The following GRAMD1B variants were observed in gnomAD, a reference collection of about 807,000 sequenced individuals.
The protein encoded by GRAMD1B is GRAM domain containing 1B, also known as protein Aster-B.
GRAMD1B carries 37 observed loss-of-function variants against 99.7 expected under a neutral mutation model. That is an observed-to-expected ratio of 0.37 (90% CI 0.29 to 0.49). The LOEUF (loss-of-function observed/expected upper bound fraction) is 0.49, where lower values mean the gene tolerates loss of function less well. Ranked by LOEUF, GRAMD1B falls within the 20% of genes least tolerant of loss-of-function variation. The pLI is 0.98. For missense variants in GRAMD1B, 888 were observed against 1,009.2 expected, an observed-to-expected ratio of 0.88 and a Z score of 1.63; for synonymous variants, 427 against 387.6, an observed-to-expected ratio of 1.10 and a Z score of -1.19.
rs1313016902 is a variant in GRAMD1B, at chr11:123,387,818, G to A, written c.-176+29019G>A. ...AGGCCCACAAATACAGATTATATGT[G>A]ATTATTTAAAAATAGCTATGGTTGG... On this transcript the variant is annotated intron_variant, in intron 1 of 20. Coordinates refer to the GRAMD1B transcript ENST00000638157. 3.4e-5 allele frequency among the ~76,000 whole-genome samples: 5 copies of A among 149,140 alleles called. No individual in the cohort carries two copies. In the Admixed American group the frequency reaches 3.4e-4, roughly 10 times the overall value.
chr11:123,584,863 C>T (rs368962506), intron 4 of GRAMD1B, among the ~76,000 whole-genome samples: 23 of 152,126 alleles, frequency 1.5e-4, no homozygotes, highest in East Asian at 3.9e-4. Flanking sequence ...GAAGGTGTGG[C>T]GTGGGGCCAC....
intron 1 of GRAMD1B, among the ~76,000 whole-genome samples, chr11:123,380,240 C>G (rs760745205): frequency 6.6e-6 from 1 of 152,178 alleles, no homozygotes; most frequent in Non-Finnish European, 1.5e-5. Flanking sequence ...GCTAAGAAAC[C>G]ACTGCCTAAT....
intron 2 of GRAMD1B, among the ~76,000 whole-genome samples, chr11:123,553,557 C>T (rs1256092486): frequency 6.6e-6 from 1 of 152,202 alleles, no homozygotes. Flanking sequence ...CTTCAATCTC[C>T]TGGCCATTTC....
chr11:123,369,564 A>G (rs1457628399), intron 1 of GRAMD1B, among the ~76,000 whole-genome samples: 3 of 152,050 alleles, frequency 2.0e-5, no homozygotes, highest in African/African-American at 7.2e-5. Flanking sequence ...AATTTATTTA[A>G]TTTTTGTTAA....
intron 2 of GRAMD1B, among the ~76,000 whole-genome samples, chr11:123,543,199 C>T (rs1267790504): frequency 2.6e-5 from 4 of 152,182 alleles, no homozygotes; most frequent in Non-Finnish European, 5.9e-5. Flanking sequence ...GAACGCCAAC[C>T]ATAGCCTCTC....
chr11:123,381,553 T>G (rs1162500354), intron 1 of GRAMD1B: 1 of 152,804 alleles, frequency 6.5e-6, no homozygotes. Flanking sequence ...GAATGGCAGG[T>G]CTTAGGCATG....
chr11:123,584,343 C>T lies in GRAMD1B; in HGVS notation c.684+11C>T, dbSNP rs1163022891. On this transcript the variant is annotated intron_variant, in intron 4 of 19. Coordinates refer to ENST00000635736, the MANE Select transcript of GRAMD1B (RefSeq NM_001387025.1). ...CAGAGTTGGTATAATGTAAGTATTC[C>T]TGTTTCCCTTCTTGTTGGGTACCTG... is the stretch of plus-strand genomic sequence containing the variant. 5.0e-6 allele frequency: 2 copies of T among 399,200 alleles called. No individual in the cohort carries two copies. The highest frequency in any genetic ancestry group is 4.2e-5 in the South Asian group (1 of 23,968). 24.7% of individuals were successfully genotyped at this position (399,200 alleles called of 1,614,324 possible).
intron 17 of GRAMD1B, chr11:123,618,451 C>T: frequency 9.1e-7 from 1 of 1,103,654 alleles, no homozygotes; most frequent in South Asian, 1.3e-5. Flanking sequence ...GGTGCCTATG[C>T]ATCTCTCCTT....
chr11:123,453,111 G>A (rs946203250), intron 1 of GRAMD1B, among the ~76,000 whole-genome samples: 9 of 152,026 alleles, frequency 5.9e-5, no homozygotes, highest in African/African-American at 2.2e-4. Flanking sequence ...TCATATTCAT[G>A]GTCTTGATCA....
intron 2 of GRAMD1B, among the ~76,000 whole-genome samples, chr11:123,526,497 G>T (rs1257397485): frequency 6.6e-6 from 1 of 152,168 alleles, no homozygotes; most frequent in Non-Finnish European, 1.5e-5. Flanking sequence ...TTATAATAAA[G>T]AAACATCCCT....
intron 3 of GRAMD1B, among the ~76,000 whole-genome samples, chr11:123,581,599 G>T (rs1303983426): frequency 6.6e-6 from 1 of 152,180 alleles, no homozygotes; most frequent in Non-Finnish European, 1.5e-5. Flanking sequence ...CATTTTTCCT[G>T]TGGCCCCTCA....
intron 2 of GRAMD1B, among the ~76,000 whole-genome samples, chr11:123,566,714 C>T (rs568362965): frequency 7.9e-5 from 12 of 151,446 alleles, no homozygotes; most frequent in Admixed American, 1.3e-4. Flanking sequence ...TGCAGTGAGC[C>T]GAGATCGTGC....
chr11:123,526,801 C>T (rs776425917), intron 2 of GRAMD1B, among the ~76,000 whole-genome samples: 4 of 152,178 alleles, frequency 2.6e-5, no homozygotes, highest in Admixed American at 1.3e-4. Context: ...AGGCATCTCT[C>T]GCTTGGGGTG....
chr11:123,611,108 A>G (rs117511144), intron 14 of GRAMD1B, among the ~76,000 whole-genome samples: 2,432 of 152,320 alleles, frequency 0.016, 26 homozygotes, highest in Non-Finnish European at 0.024. Flanking sequence ...AAAGTTTAGT[A>G]AAAGGTCGCA....
chr11:123,610,361 T>C lies in GRAMD1B; in HGVS notation c.1919+23T>C. ...CAGGTGTGGTGTGTGGAAGTCCCAG[T>C]GCGGTCAGACGGGGGTCCTTACCTT... On this transcript the variant is annotated intron_variant, in intron 14 of 19. Transcript: ENST00000635736. This position sits in a 1 kb window ranked among gnomAD's most constrained non-coding sequence, Gnocchi z 4.1. 2 of 1,612,864 alleles carry C rather than the reference T, an allele frequency of 1.2e-6. No individual in the cohort carries two copies. Among genetic ancestry groups the C allele is most frequent in the Non-Finnish European group, 1.7e-6 (2 of 1,178,952 alleles).
chr11:123,558,089 T>C (rs1466232216), intron 2 of GRAMD1B, among the ~76,000 whole-genome samples: 1 of 150,682 alleles, frequency 6.6e-6, no homozygotes, highest in African/African-American at 2.4e-5. Context: ...GTTCAAGAGA[T>C]TCTCCTGCCT....
chr11:123,575,538 C>T (rs1193311891), intron 2 of GRAMD1B, among the ~76,000 whole-genome samples: 6 of 152,108 alleles, frequency 3.9e-5, no homozygotes, highest in Admixed American at 2.0e-4. Context: ...TAGAGGTCCT[C>T]GTTGTTCTAG....
At chr11:123,412,690 C>T (rs933334605) in intron 1 of GRAMD1B, among the ~76,000 whole-genome samples, 1 of 152,182 alleles carries the variant, frequency 6.6e-6, no homozygotes, top group African/African-American at 2.4e-5. Flanking sequence ...GAAAACATAA[C>T]ATTTTCTCCA....
At chr11:123,552,957 A>G (rs1220302772) in intron 2 of GRAMD1B, among the ~76,000 whole-genome samples, 1 of 152,238 alleles carries the variant, frequency 6.6e-6, no homozygotes, top group Non-Finnish European at 1.5e-5. Context: ...TCACTAGTCT[A>G]TGTTTTCTAA....
Sources: gnomAD v4.1 joint callset for allele counts (sites outside exome capture counted in the v4.1 genomes callset) on GRCh38, gnomAD v4.1.1 for gene constraint, Gnocchi (gnomAD v3.1) non-coding constraint, MANE v1.5 for transcripts, NCBI Gene and HGNC (gene_info 2026-07-23, HGNC 2026-07-21) for gene names.